The following EFNA5 variants were observed in gnomAD, a reference collection of about 807,000 sequenced individuals.
The protein encoded by EFNA5 is ephrin A5.
In EFNA5, 5 loss-of-function variants were observed where a neutral mutation model predicts 22.9. The ratio of observed to expected loss-of-function variants is 0.22; its 90% CI spans 0.11 to 0.46. The LOEUF is 0.46. Ranked by LOEUF, EFNA5 falls within the 20% of genes least tolerant of loss-of-function variation. The probability of loss-of-function intolerance (pLI) is 0.99; values close to 1 mark genes in which losing one functional copy is unlikely to be tolerated. For missense variants in EFNA5, 237 were observed against 293.3 expected, an observed-to-expected ratio of 0.81 and a Z score of 1.40; for synonymous variants, 113 against 112.2, an observed-to-expected ratio of 1.01 and a Z score of -0.04.
chr5:107,391,107 C>T (rs1747784130), intron 2 of EFNA5, among the ~76,000 whole-genome samples: 1 of 151,996 alleles, frequency 6.6e-6, no homozygotes, highest in South Asian at 2.1e-4. Flanking sequence ...TGCAGTGAGC[C>T]GAGACTGAGC....
intron 1 of EFNA5, among the ~76,000 whole-genome samples, chr5:107,565,402 A>C (rs1367068252): frequency 6.6e-6 from 1 of 152,212 alleles, no homozygotes; most frequent in Non-Finnish European, 1.5e-5. Context: ...AAATTACATT[A>C]TATCAAATCC....
At chr5:107,553,024 A>G (rs544616711) in intron 1 of EFNA5, among the ~76,000 whole-genome samples, 1 of 152,324 alleles carries the variant, frequency 6.6e-6, no homozygotes, top group South Asian at 2.1e-4. Flanking sequence ...TTTTTATTAT[A>G]GCCCTCCTCT....
chr5:107,395,981 C>T (rs532254201), intron 2 of EFNA5, among the ~76,000 whole-genome samples: 3 of 152,272 alleles, frequency 2.0e-5, no homozygotes, highest in East Asian at 1.9e-4. Context: ...GGCTGTTAAC[C>T]GTTAGGCAAG....
chr5:107,464,948 T>C (rs895190328), intron 1 of EFNA5, among the ~76,000 whole-genome samples: 1 of 152,180 alleles, frequency 6.6e-6, no homozygotes, highest in Non-Finnish European at 1.5e-5. Flanking sequence ...CTGTTTTTAA[T>C]GCAAAACTCC....
chr5:107,469,043 C>T (rs868276340), intron 1 of EFNA5, among the ~76,000 whole-genome samples: 1 of 152,216 alleles, frequency 6.6e-6, no homozygotes, highest in Non-Finnish European at 1.5e-5. Context: ...GCAGGACCAA[C>T]TAAGTGCTTA....
chr5:107,479,498 C>T (rs977785185), intron 1 of EFNA5, among the ~76,000 whole-genome samples: 1 of 151,638 alleles, frequency 6.6e-6, no homozygotes, highest in African/African-American at 2.4e-5. Context: ...TATCCTTATT[C>T]AGGCCAACAA....
intron 1 of EFNA5, among the ~76,000 whole-genome samples, chr5:107,481,437 G>A (rs1750457412): frequency 1.3e-5 from 2 of 152,148 alleles, no homozygotes; most frequent in Non-Finnish European, 2.9e-5. Flanking sequence ...ATGGTATTTT[G>A]ATACATAGTT....
chr5:107,651,228 T>G (rs2112552755), intron 1 of EFNA5, among the ~76,000 whole-genome samples: 1 of 152,240 alleles, frequency 6.6e-6, no homozygotes, highest in South Asian at 2.1e-4. Flanking sequence ...ATCAGTTTTC[T>G]CAGCAGCAAA....
chr5:107,658,898 T>C (rs989802489), intron 1 of EFNA5, among the ~76,000 whole-genome samples: 16 of 152,328 alleles, frequency 1.1e-4, no homozygotes, highest in South Asian at 6.2e-4. Context: ...ACAGGGATGC[T>C]GTATATATGC....
At chr5:107,517,188 G>T (rs1747498511) in intron 1 of EFNA5, among the ~76,000 whole-genome samples, 1 of 151,752 alleles carries the variant, frequency 6.6e-6, no homozygotes, top group African/African-American at 2.4e-5. Context: ...AAAAAGTCCA[G>T]TATTTATAAA....
chr5:107,623,974 G>A (rs1489696969), intron 1 of EFNA5, among the ~76,000 whole-genome samples: 10 of 151,978 alleles, frequency 6.6e-5, no homozygotes, highest in Non-Finnish European at 1.5e-5. Flanking sequence ...CAATACACAA[G>A]TGGGGGAGTC....
chr5:107,670,435 C>A, intron 1 of EFNA5, 54 bp downstream of exon 1: 1 of 1,511,644 alleles, frequency 6.6e-7, no homozygotes, highest in South Asian at 1.2e-5. Context: ...GCCGCTCCTT[C>A]CGCAGGGCCC....
chr5:107,634,535 A>G (rs1204873927), intron 1 of EFNA5, among the ~76,000 whole-genome samples: 2 of 114,318 alleles, frequency 1.7e-5, no homozygotes, highest in South Asian at 2.7e-4. Context: ...GAAAGTTCAC[A>G]ACAAAGAGGA....
chr5:107,434,368 C>T (rs1363314909), intron 1 of EFNA5, among the ~76,000 whole-genome samples: 1 of 152,156 alleles, frequency 6.6e-6, no homozygotes, highest in Non-Finnish European at 1.5e-5. Flanking sequence ...GGGGAGGCCA[C>T]ATTGAAAGGA....
At chr5:107,569,978 G>A (rs1748760578) in intron 1 of EFNA5, among the ~76,000 whole-genome samples, 1 of 151,910 alleles carries the variant, frequency 6.6e-6, no homozygotes, top group African/African-American at 2.4e-5. Context: ...TCACTGACAG[G>A]GAAAAAAAAG....
chr5:107,514,816 C>T (rs1389110126), intron 1 of EFNA5, among the ~76,000 whole-genome samples: 2 of 152,148 alleles, frequency 1.3e-5, no homozygotes, highest in East Asian at 3.9e-4. Flanking sequence ...ACTTCACTGA[C>T]TTAATCTCCT....
At chr5:107,558,249 C>T (rs1024838316) in intron 1 of EFNA5, among the ~76,000 whole-genome samples, 15 of 152,062 alleles carry the variant, frequency 9.9e-5, no homozygotes, top group African/African-American at 3.1e-4. Flanking sequence ...CTACATAATG[C>T]CACACAGATT....
chr5:107,500,284 T>C (rs1356260874), intron 1 of EFNA5, among the ~76,000 whole-genome samples: 1 of 152,254 alleles, frequency 6.6e-6, no homozygotes, highest in African/African-American at 2.4e-5. Flanking sequence ...CTGTGGTCTG[T>C]AGGGCACGAA....
intron 1 of EFNA5, among the ~76,000 whole-genome samples, chr5:107,592,417 G>A (rs562312904): frequency 6.6e-6 from 1 of 151,902 alleles, no homozygotes; most frequent in Non-Finnish European, 1.5e-5. Context: ...TCAGTAAAGT[G>A]AAGCGAAATA....
Sources: gnomAD v4.1 joint callset for allele counts (sites outside exome capture counted in the v4.1 genomes callset) on GRCh38, gnomAD v4.1.1 for gene constraint, MANE v1.5 for transcripts, NCBI Gene and HGNC (gene_info 2026-07-23, HGNC 2026-07-21) for gene names.